Variants in HIF3A observed in about 807,000 individuals in gnomAD.
The protein encoded by HIF3A is hypoxia inducible factor 3 subunit alpha.
Under a neutral mutation model 67.2 loss-of-function variants are expected in HIF3A, and 41 were observed. The observed-to-expected ratio is 0.61, with a 90% confidence interval of 0.48 to 0.79. The LOEUF (loss-of-function observed/expected upper bound fraction) is 0.79. HIF3A is among the 30% of genes least tolerant of loss of function. HIF3A has a pLI of 0.00. For synonymous variants in HIF3A, 356 were observed against 374.8 expected (o/e 0.95, Z 0.58); for missense variants, 855 against 898.0 (o/e 0.95, Z 0.61).
At chr19:46,324,526 C>T (rs916361131) in intron 10 of HIF3A, among the ~76,000 whole-genome samples, 2 of 152,150 alleles carry the variant, frequency 1.3e-5, no homozygotes. Context: ...ACTCCAGGCT[C>T]CAAGACCTTT....
intron 1 of HIF3A, among the ~76,000 whole-genome samples, chr19:46,302,287 C>T (rs777454245): frequency 9.9e-5 from 15 of 152,064 alleles, no homozygotes; most frequent in Non-Finnish European, 1.8e-4. Context: ...CCCACCACCA[C>T]GCCCAGCTAA....
chr19:46,299,495 G>A (rs974116096), intron 1 of HIF3A, among the ~76,000 whole-genome samples: 13 of 152,134 alleles, frequency 8.5e-5, no homozygotes, highest in African/African-American at 2.9e-4. Flanking sequence ...TGAGGTGGGC[G>A]GATTGCTTGA....
Position 46,297,782 on chromosome 19 carries a change from A to G in HIF3A, c.26+680A>G, listed in dbSNP as rs145734228. On this transcript the variant is annotated intron_variant, in intron 1 of 14. Coordinates refer to ENST00000377670, the MANE Select transcript of HIF3A (RefSeq NM_152795.4). This position sits in a 1 kb window ranked among gnomAD's most constrained non-coding sequence, Gnocchi z 4.5. ...AGAGTCACCCCCTTAAATAACAGGG[A>G]AACAAGCTGGACCCACTTCCCAAAG... Among the ~76,000 whole-genome samples the G allele has an allele frequency of 3.3e-4, 50 of 152,172 alleles. No individual in the cohort carries two copies. The highest frequency in any genetic ancestry group is 1.1e-3 in the African/African-American group (47 of 41,526).
intron 1 of HIF3A, chr19:46,303,660 G>C: frequency 6.3e-7 from 1 of 1,586,744 alleles, no homozygotes; most frequent in Non-Finnish European, 8.6e-7. Context: ...CGAGGCGCCA[G>C]AGGCACCATG....
intron 8 of HIF3A, among the ~76,000 whole-genome samples, chr19:46,314,345 C>T (rs1370861553): frequency 2.1e-5 from 3 of 140,050 alleles, no homozygotes; most frequent in Non-Finnish European, 4.6e-5. Flanking sequence ...AAGACTCAAC[C>T]GCAAAAAAAG....
chr19:46,334,240 C>T (rs1416052353), intron 13 of HIF3A, among the ~76,000 whole-genome samples: 4 of 152,034 alleles, frequency 2.6e-5, no homozygotes, highest in African/African-American at 9.7e-5. Flanking sequence ...TACAGACATG[C>T]GCAACCACAC....
At chr19:46,316,485 C>A (rs933709517) in intron 8 of HIF3A, among the ~76,000 whole-genome samples, 2 of 151,874 alleles carry the variant, frequency 1.3e-5, no homozygotes, top group African/African-American at 4.8e-5. Context: ...GTATCCATGA[C>A]AACATTATGA....
rs941196836 is a variant in HIF3A, at chr19:46,297,969, G to A, written c.26+867G>A. Among the ~76,000 whole-genome samples the A allele has an allele frequency of 2.0e-5, 3 of 152,110 alleles. No homozygotes were observed. The highest frequency in any genetic ancestry group is 7.2e-5 in the African/African-American group (3 of 41,408). On this transcript the variant is annotated intron_variant, in intron 1 of 14. Coordinates refer to ENST00000377670, the MANE Select transcript of HIF3A (RefSeq NM_152795.4). This position sits in a 1 kb window ranked among gnomAD's most constrained non-coding sequence, Gnocchi z 4.5. ...TCAGATGGGGTCATCCCGGGCAGAG[G>A]GTGGGTTTCTGGGTTCACTTGCCCA...
rs997788200 is a variant in HIF3A, at chr19:46,297,979, T to G, written c.26+877T>G. ...TCATCCCGGGCAGAGGGTGGGTTTC[T>G]GGGTTCACTTGCCCAGCAGGTGCAG... On this transcript the variant is annotated intron_variant, in intron 1 of 14. Coordinates refer to ENST00000377670, the MANE Select transcript of HIF3A (RefSeq NM_152795.4). The surrounding 1 kb of genome is among the most constrained non-coding windows in gnomAD (Gnocchi z 4.5). Among the ~76,000 whole-genome samples, 1 of 152,144 alleles carries G rather than the reference T, an allele frequency of 6.6e-6. No homozygotes were observed. The highest frequency in any genetic ancestry group is 2.4e-5 in the African/African-American group (1 of 41,446).
At chr19:46,303,624 G>A (rs781058151) in intron 1 of HIF3A, 41 of 1,572,746 alleles carry the variant, frequency 2.6e-5, no homozygotes, top group Non-Finnish European at 3.4e-5. Flanking sequence ...GGGACAGAGC[G>A]GCCCTAGGCG....
At chr19:46,330,387 G>T (rs1409419870) in intron 12 of HIF3A, among the ~76,000 whole-genome samples, 1 of 152,152 alleles carries the variant, frequency 6.6e-6, no homozygotes, top group Admixed American at 6.6e-5. Flanking sequence ...ATGAATGATG[G>T]ATGTCTGGGT....
Position 46,321,843 on chromosome 19 carries a change from T to C in HIF3A, c.1212T>C (p.Ala404=). The C allele has an allele frequency of 1.2e-6, 2 of 1,613,990 alleles. No homozygotes were observed. The highest frequency in any genetic ancestry group is 1.7e-6 in the Non-Finnish European group (2 of 1,180,022). ...PPSLSEAALA[A]DPRRFCSPDL... ...CCCTGAGCGAGGCTGCCCTGGCCGC[T>C]GACCCCCGCCGTTTCTGCAGCCCTG... Residue 404 remains alanine (A), a synonymous_variant, in exon 10 of 15, where the codon GCT becomes GCC. Coordinates refer to ENST00000377670, the MANE Select transcript of HIF3A (RefSeq NM_152795.4).
At chr19:46,319,163 G>A (rs750858556) in intron 8 of HIF3A, among the ~76,000 whole-genome samples, 1 of 152,172 alleles carries the variant, frequency 6.6e-6, no homozygotes, top group Non-Finnish European at 1.5e-5. Flanking sequence ...GCACTCAGGT[G>A]TATGTGAGCG....
At chr19:46,304,306 C>A (rs1968629538) in intron 2 of HIF3A, 1 of 583,552 alleles carries the variant, frequency 1.7e-6, no homozygotes, top group Non-Finnish European at 3.1e-6. Context: ...CCGCCCCCCT[C>A]GAAGTCTATC....
At position 46,321,902 on chromosome 19, in the gene HIF3A, G is replaced by T. The variant is rs1337918176; in HGVS notation, c.1271G>T (p.Gly424Val). Residue 424 changes from glycine (G) to valine (V), a missense_variant, in exon 10 of 15, where the codon GGG becomes GTG. Gly to Val is a moderately radical substitution (Grantham distance 109). Coordinates refer to ENST00000377670, the MANE Select transcript of HIF3A (RefSeq NM_152795.4). ...LRRLLGPILD[G>V]ASVAATPSTP... ...CGCCTCCTGGGACCCATCCTGGATGGGGCTTCAGTAGCAGCCACTCCCAGC... is the reference window on the plus strand; with the variant it reads ...CGCCTCCTGGGACCCATCCTGGATGTGGCTTCAGTAGCAGCCACTCCCAGC... The T allele has an allele frequency of 5.0e-6, 8 of 1,613,930 alleles. No homozygotes were observed. The South Asian group carries it at 7.7e-5, about 16-fold the overall frequency.
chr19:46,300,083 C>G (rs1165604336), intron 1 of HIF3A, among the ~76,000 whole-genome samples: 1 of 152,196 alleles, frequency 6.6e-6, no homozygotes, highest in African/African-American at 2.4e-5. Context: ...ATCTCAGTTT[C>G]TGCCTCTTTA....
At chr19:46,323,555 G>A (rs1402549097) in intron 10 of HIF3A, among the ~76,000 whole-genome samples, 2 of 152,100 alleles carry the variant, frequency 1.3e-5, no homozygotes, top group African/African-American at 4.8e-5. Context: ...CAACGGCCAT[G>A]GGAGTTTGAC....
Position 46,312,180 on chromosome 19 carries a change from T to C in HIF3A, c.790T>C (p.Tyr264His). Residue 264 changes from tyrosine to histidine, a missense_variant, in exon 7 of 15, where the codon TAT becomes CAT. Coordinates refer to ENST00000377670, the MANE Select transcript of HIF3A (RefSeq NM_152795.4). The stretch of plus-strand genomic sequence containing the variant: ...CCCCAGGATTGCAGAAGTGGCTGGC[T>C]ATAGTCCCGATGACCTGATCGGCTG... ...CDDRIAEVAG[Y>H]SPDDLIGCSA... The C allele has an allele frequency of 1.9e-6, 3 of 1,614,036 alleles. No individual in the cohort carries two copies. Among genetic ancestry groups the C allele is most frequent in the Non-Finnish European group, 2.5e-6 (3 of 1,179,982 alleles).
chr19:46,312,358 C>A (rs1226313846), intron 7 of HIF3A, 91 bp downstream of exon 7: 1 of 1,610,330 alleles, frequency 6.2e-7, no homozygotes, highest in Non-Finnish European at 8.5e-7. Context: ...CCCCAGGATG[C>A]ACTGCCTCCC....
Sources: allele counts gnomAD v4.1 joint callset (sites outside exome capture counted in the v4.1 genomes callset), GRCh38; gene constraint gnomAD v4.1.1; non-coding constraint Gnocchi (gnomAD v3.1); transcripts MANE v1.5; gene names NCBI Gene and HGNC (gene_info 2026-07-23, HGNC 2026-07-21).